The following FAM169A variants were observed in gnomAD, a reference collection of about 807,000 sequenced individuals.
The protein encoded by FAM169A is family with sequence similarity 169 member A, also known as soluble lamin-associated protein of 75 kDa.
In FAM169A, 24 loss-of-function variants were observed where a neutral mutation model predicts 75.7. That is an observed-to-expected ratio of 0.32 (90% CI 0.23 to 0.45). FAM169A has a LOEUF of 0.45. FAM169A is among the 20% of genes least tolerant of loss of function. FAM169A has a pLI of 1.00. For missense variants in FAM169A, 673 were observed against 784.0 expected, an observed-to-expected ratio of 0.86 and a Z score of 1.69; for synonymous variants, 271 against 271.0, an observed-to-expected ratio of 1.00 and a Z score of 0.00.
rs185630618 is a variant in FAM169A at position 74,834,217 on chromosome 5, G to A, written c.490+209C>T. 1.6e-4 allele frequency among the ~76,000 whole-genome samples: 24 copies of A among 152,222 alleles called. No individual in the cohort carries two copies. The East Asian group carries it at 3.3e-3, about 21-fold the overall frequency. ...GGAGAAATCTTCTTCGGGATCAAAT[G>A]TTTATTTTTATTTTGTTTTTTCAAA... On this transcript the variant is annotated intron_variant, in intron 5 of 12. Transcript: ENST00000687041.
chr5:74,841,289 T>C (rs1748849173), intron 2 of FAM169A, among the ~76,000 whole-genome samples: 1 of 152,154 alleles, frequency 6.6e-6, no homozygotes, highest in South Asian at 2.1e-4. Context: ...AGCTCAAATA[T>C]AGTAAACAGT....
intron 11 of FAM169A, among the ~76,000 whole-genome samples, chr5:74,784,133 T>C (rs1745549845): frequency 6.6e-6 from 1 of 152,112 alleles, no homozygotes; most frequent in African/African-American, 2.4e-5. Context: ...TTACTGGTCA[T>C]TCCCATAGAT....
chr5:74,846,703 C>A (rs1267239913), intron 1 of FAM169A, among the ~76,000 whole-genome samples: 5 of 152,046 alleles, frequency 3.3e-5, no homozygotes, highest in Non-Finnish European at 5.9e-5. Context: ...TAGCTAAGAC[C>A]ACAAGTACAC....
At chr5:74,786,246 C>G (rs1745689624) in intron 11 of FAM169A, among the ~76,000 whole-genome samples, 1 of 152,164 alleles carries the variant, frequency 6.6e-6, no homozygotes, top group African/African-American at 2.4e-5. Context: ...AGTTAATATT[C>G]CTTAATAAAC....
chr5:74,803,871 T>C (rs569597337), intron 8 of FAM169A, among the ~76,000 whole-genome samples: 13 of 152,302 alleles, frequency 8.5e-5, no homozygotes, highest in African/African-American at 3.1e-4. Context: ...TTCTGGAAAT[T>C]TGTATGTTAA....
At chr5:74,840,246 C>G in intron 2 of FAM169A, 73 bp from the exon 3 acceptor site, 2 of 612,610 alleles carry the variant, frequency 3.3e-6, no homozygotes, top group Non-Finnish European at 5.6e-6. Context: ...AATCTTTTAT[C>G]AAAGTAGTAA....
intron 1 of FAM169A, among the ~76,000 whole-genome samples, chr5:74,862,003 CTGTG>C: frequency 6.6e-6 from 1 of 152,308 alleles, no homozygotes; most frequent in Non-Finnish European, 1.5e-5. Context: ...TAAATCCAGT[CTGTG>C]TGACACCAAA....
rs1468918885 is a variant in FAM169A, at chr5:74,780,356, A to G, written c.*1104T>C. 1 of 152,208 alleles carries G rather than the reference A, an allele frequency of 6.6e-6. No homozygotes were observed. The highest frequency in any genetic ancestry group is 2.4e-5 in the African/African-American group (1 of 41,430). The allele number at this position is 152,208 out of a possible 1,614,324, so 9.4% of individuals were successfully genotyped here. The stretch of plus-strand genomic sequence containing the variant: ...TCTAACATTGTGGGGTGCACCTCCA[A>G]ACCTACCCAAAAATGGACATCAAGG... On this transcript the variant is annotated 3_prime_UTR_variant, in exon 13 of 13. Coordinates refer to ENST00000687041, the MANE Select transcript of FAM169A (RefSeq NM_001376049.1).
rs1168860877 is a variant in FAM169A at position 74,781,025 on chromosome 5, TTGG to T, written c.*432_*434del. 6.5e-6 allele frequency: 1 copy of T among 154,116 alleles called. No individual in the cohort carries two copies. Among genetic ancestry groups the T allele is most frequent in the Non-Finnish European group, 1.4e-5 (1 of 69,430 alleles). 9.5% of individuals were successfully genotyped at this position (154,116 alleles called of 1,614,324 possible). A position where few individuals can be genotyped will look rare whatever the true frequency, so the allele number is the denominator to read the frequency against. The stretch of plus-strand genomic sequence containing the variant: ...TTAGGCATGCCTACATTTTAAAAAA[TTGG>T]TGATTAGTTTTGAAATTTAAAACTT... On this transcript the variant is annotated 3_prime_UTR_variant, in exon 13 of 13. Coordinates refer to ENST00000687041, the MANE Select transcript of FAM169A (RefSeq NM_001376049.1).
At chr5:74,792,156 A>C (rs1746010833) in intron 11 of FAM169A, among the ~76,000 whole-genome samples, 1 of 152,168 alleles carries the variant, frequency 6.6e-6, no homozygotes, top group Non-Finnish European at 1.5e-5. Context: ...ATTATGTATG[A>C]TCTCAGCAAG....
chr5:74,813,354 T>A (rs1351022402), intron 6 of FAM169A, among the ~76,000 whole-genome samples: 1 of 151,562 alleles, frequency 6.6e-6, no homozygotes, highest in Non-Finnish European at 1.5e-5. Context: ...TTAGATGGAG[T>A]CCTGCTCTGT....
rs149775301 is a variant in FAM169A, at chr5:74,851,945, G to A, written c.-3-10266C>T. Among the ~76,000 whole-genome samples, 625 of 152,176 alleles carry A rather than the reference G, an allele frequency of 4.1e-3. 9 individuals carry two copies. Among genetic ancestry groups the A allele is most frequent in the African/African-American group, 0.014 (585 of 41,510 alleles). ...GGATACAACCAATTTTTAAAAACACGAGTCTAACTATATGTTCACTGTTGT... is the reference window on the plus strand; with the variant it reads ...GGATACAACCAATTTTTAAAAACACAAGTCTAACTATATGTTCACTGTTGT... On this transcript the variant is annotated intron_variant, in intron 1 of 12. Transcript: ENST00000687041.
chr5:74,794,613 C>G (rs529758109), intron 11 of FAM169A, among the ~76,000 whole-genome samples: 6 of 151,164 alleles, frequency 4.0e-5, no homozygotes, highest in East Asian at 2.0e-4. Flanking sequence ...CCCGTCTCTA[C>G]AAAAAATACA....
At chr5:74,809,663 T>C (rs1169653190) in intron 6 of FAM169A, among the ~76,000 whole-genome samples, 1 of 152,188 alleles carries the variant, frequency 6.6e-6, no homozygotes, top group African/African-American at 2.4e-5. Flanking sequence ...GCAAAAGATG[T>C]GAACAAACAC....
intron 5 of FAM169A, among the ~76,000 whole-genome samples, chr5:74,817,634 C>T (rs556084399): frequency 1.3e-5 from 2 of 152,120 alleles, no homozygotes; most frequent in Non-Finnish European, 2.9e-5. Context: ...AAAATCCTAG[C>T]GAATTGTTTT....
At position 74,794,727 on chromosome 5, in the gene FAM169A, C is replaced by A. The variant is rs1225459927; in HGVS notation, c.1260+1303G>T. On this transcript the variant is annotated intron_variant, in intron 11 of 12. Coordinates refer to ENST00000687041, the MANE Select transcript of FAM169A (RefSeq NM_001376049.1). ...CCGGGAGGCAGAGCTTGCAGTGAGC[C>A]GAGATCGCGCCACTGCACTCCAGCC... Among the ~76,000 whole-genome samples, 5 of 146,916 alleles carry A rather than the reference C, an allele frequency of 3.4e-5. No individual in the cohort carries two copies. In the Admixed American group the frequency reaches 3.4e-4, roughly 10 times the overall value.
chr5:74,835,525 G>T (rs565720169), intron 4 of FAM169A, among the ~76,000 whole-genome samples: 1 of 147,706 alleles, frequency 6.8e-6, no homozygotes, highest in Admixed American at 7.0e-5. Flanking sequence ...TCACTTGAGC[G>T]CAAGAGGTTG....
intron 1 of FAM169A, among the ~76,000 whole-genome samples, 151 bp from the exon 2 acceptor site, chr5:74,841,830 C>G (rs1391204426): frequency 6.6e-6 from 1 of 152,140 alleles, no homozygotes; most frequent in African/African-American, 2.4e-5. Context: ...CTTGAACCTG[C>G]TGATTTAACC....
At chr5:74,859,609 A>T (rs1336119086) in intron 1 of FAM169A, among the ~76,000 whole-genome samples, 1 of 152,118 alleles carries the variant, frequency 6.6e-6, no homozygotes, top group Non-Finnish European at 1.5e-5. Flanking sequence ...AATTTTTAAC[A>T]TTTCTATCAA....
Sources: gnomAD v4.1 joint callset for allele counts (sites outside exome capture counted in the v4.1 genomes callset) on GRCh38, gnomAD v4.1.1 for gene constraint, MANE v1.5 for transcripts, NCBI Gene and HGNC (gene_info 2026-07-23, HGNC 2026-07-21) for gene names.